The following FMN1 variants were observed in gnomAD, a reference collection of about 807,000 sequenced individuals.
The protein encoded by FMN1 is formin 1.
A neutral mutation model predicts 132.4 loss-of-function variants in FMN1; 110 were observed. That is an observed-to-expected ratio of 0.83 (90% CI 0.71 to 0.97). The LOEUF (loss-of-function observed/expected upper bound fraction) is 0.97, where lower values mean the gene tolerates loss of function less well. FMN1 is among the 50% of genes least tolerant of loss of function. The pLI is 0.00. For missense variants in FMN1, 1,792 were observed against 1,705.3 expected (o/e 1.05, Z -0.90); for synonymous variants, 722 against 651.7 (o/e 1.11, Z -1.64).
intron 4 of FMN1, among the ~76,000 whole-genome samples, chr15:33,138,874 A>G (rs531457596): frequency 6.6e-6 from 1 of 152,206 alleles, no homozygotes; most frequent in South Asian, 2.1e-4. Flanking sequence ...ACTATCTCTG[A>G]CCTAACCTCA....
At chr15:32,812,779 C>T (rs2057926981) in intron 17 of FMN1, among the ~76,000 whole-genome samples, 1 of 152,330 alleles carries the variant, frequency 6.6e-6, no homozygotes, top group South Asian at 2.1e-4. Context: ...GGTATAACAA[C>T]ATGAATTACA....
chr15:32,917,164 A>G (rs372265840), intron 10 of FMN1, among the ~76,000 whole-genome samples: 2 of 152,220 alleles, frequency 1.3e-5, no homozygotes, highest in African/African-American at 4.8e-5. Context: ...GAGCCAGTAG[A>G]GAGGGGTGTG....
intron 3 of FMN1, among the ~76,000 whole-genome samples, chr15:33,177,473 C>T (rs988630566): frequency 2.0e-5 from 3 of 152,208 alleles, no homozygotes; most frequent in African/African-American, 4.8e-5. Flanking sequence ...GTGCAAGTCA[C>T]TTAACCTCAT....
chr15:32,870,930 T>C (rs1024037897), intron 16 of FMN1, among the ~76,000 whole-genome samples: 1 of 152,210 alleles, frequency 6.6e-6, no homozygotes, highest in Non-Finnish European at 1.5e-5. Context: ...AATAATTTAA[T>C]GCTTTAGTAG....
chr15:33,183,101 G>A (rs907472961), intron 2 of FMN1, among the ~76,000 whole-genome samples: 1 of 152,098 alleles, frequency 6.6e-6, no homozygotes, highest in Non-Finnish European at 1.5e-5. Flanking sequence ...AGCAGCTCAC[G>A]TGCCTCTTTC....
At chr15:32,868,494 T>A (rs1461257024) in intron 16 of FMN1, among the ~76,000 whole-genome samples, 2 of 152,226 alleles carry the variant, frequency 1.3e-5, no homozygotes, top group Non-Finnish European at 2.9e-5. Flanking sequence ...CACTCTATGA[T>A]GTTTGCACAA....
intron 2 of FMN1, among the ~76,000 whole-genome samples, chr15:33,189,485 CT>C (rs1194897603): frequency 6.6e-6 from 1 of 152,178 alleles, no homozygotes; most frequent in Non-Finnish European, 1.5e-5. Context: ...GCAACTCTTG[CT>C]TTTCACTATA....
At chr15:32,857,947 C>T (rs1225378280) in intron 16 of FMN1, among the ~76,000 whole-genome samples, 1 of 152,178 alleles carries the variant, frequency 6.6e-6, no homozygotes, top group African/African-American at 2.4e-5. Flanking sequence ...AGAAAGGCTT[C>T]GTTTCTACAA....
intron 7 of FMN1, among the ~76,000 whole-genome samples, chr15:32,992,090 A>T (rs1401203557): frequency 1.3e-5 from 2 of 152,182 alleles, no homozygotes; most frequent in South Asian, 4.1e-4. Flanking sequence ...TTACTAGTGT[A>T]GCTGATGTTG....
chr15:32,891,305 T>C (rs2060023200), intron 15 of FMN1, among the ~76,000 whole-genome samples: 1 of 152,152 alleles, frequency 6.6e-6, no homozygotes, highest in African/African-American at 2.4e-5. Flanking sequence ...TGGAGTGCAG[T>C]GATGCGATGT....
chr15:33,154,385 G>C lies in FMN1; in HGVS notation c.530C>G (p.Thr177Ser). ...ESFGALPQKR[T>S]KRKGRGGRES... ...TCGGCCTCCACGCCCTTTTCTTTTG[G>C]TCCTCTTCTGTGGAAGGGCCCCAAA... The change falls in exon 4 of 21, where the codon ACC (threonine) becomes AGC (serine). Residue 177 changes from threonine (T) to serine (S), a missense_variant. Around this residue, in one of 3 missense-constraint regions of FMN1, gnomAD observed 638 missense variants for 645.2 expected, o/e 0.99. Transcript: ENST00000616417. The C allele has an allele frequency of 6.5e-7, 1 of 1,536,046 alleles. No homozygotes were observed. The highest frequency in any genetic ancestry group is 8.7e-7 in the Non-Finnish European group (1 of 1,146,896).
intron 16 of FMN1, among the ~76,000 whole-genome samples, chr15:32,876,470 A>T (rs1313060276): frequency 6.6e-6 from 1 of 152,220 alleles, no homozygotes; most frequent in East Asian, 1.9e-4. Context: ...GCATTCAGTC[A>T]ATCTAAATGT....
intron 7 of FMN1, among the ~76,000 whole-genome samples, chr15:32,971,183 T>C (rs891209185): frequency 4.6e-5 from 7 of 152,214 alleles, no homozygotes; most frequent in Admixed American, 2.0e-4. Flanking sequence ...ATACTTCATA[T>C]AAAATAGTAG....
chr15:33,068,838 A>G (rs535648890), intron 5 of FMN1, among the ~76,000 whole-genome samples: 1 of 152,306 alleles, frequency 6.6e-6, no homozygotes, highest in Non-Finnish European at 1.5e-5. Flanking sequence ...GTGGCAGAGT[A>G]AACAGCCCAG....
chr15:33,005,600 C>T (rs1198802342), intron 7 of FMN1, among the ~76,000 whole-genome samples: 1 of 152,152 alleles, frequency 6.6e-6, no homozygotes, highest in Non-Finnish European at 1.5e-5. Flanking sequence ...ACCTAGCACA[C>T]AGCAAGAATT....
At chr15:32,989,911 A>G (rs184783393) in intron 7 of FMN1, among the ~76,000 whole-genome samples, 51 of 152,296 alleles carry the variant, frequency 3.3e-4, no homozygotes, top group African/African-American at 1.0e-3. Context: ...GACACCGTAC[A>G]TATACAGGGT....
intron 6 of FMN1, among the ~76,000 whole-genome samples, chr15:33,040,689 T>A (rs2036393278): frequency 6.6e-6 from 1 of 152,234 alleles, no homozygotes; most frequent in South Asian, 2.1e-4. Flanking sequence ...ATATGTGCTC[T>A]AACAAAATCA....
intron 7 of FMN1, among the ~76,000 whole-genome samples, chr15:32,973,094 C>A (rs1267684823): frequency 6.6e-6 from 1 of 152,188 alleles, no homozygotes; most frequent in South Asian, 2.1e-4. Context: ...TCAAATTCAA[C>A]CACTTTGGTT....
chr15:33,180,078 G>A (rs1965643222), intron 3 of FMN1, 120 bp downstream of exon 3: 1 of 152,250 alleles, frequency 6.6e-6, no homozygotes. Flanking sequence ...AACAATGTGG[G>A]AGGAAAAACA....
Sources: gnomAD v4.1 joint callset for allele counts (sites outside exome capture counted in the v4.1 genomes callset) on GRCh38, gnomAD v4.1.1 for gene constraint, gnomAD v4.1.1 regional missense constraint, MANE v1.5 for transcripts, NCBI Gene and HGNC (gene_info 2026-07-23, HGNC 2026-07-21) for gene names.